TBC1D14: variants seen among roughly 807,000 people sequenced by gnomAD.
TBC1D14 encodes TBC1 domain family, member 14.
TBC1D14 carries 26 observed loss-of-function variants against 79.0 expected under a neutral mutation model. The ratio of observed to expected loss-of-function variants is 0.33; its 90% CI spans 0.24 to 0.46. TBC1D14 has a LOEUF of 0.46. Among genes scored for constraint, TBC1D14 ranks in the 20% least tolerant of loss-of-function variants. The probability of loss-of-function intolerance (pLI) is 1.00; values close to 1 mark genes in which losing one functional copy is unlikely to be tolerated. For synonymous variants in TBC1D14, 394 were observed against 349.9 expected (o/e 1.13, Z -1.40); for missense variants, 769 against 887.6 (o/e 0.87, Z 1.70).
At chr4:6,920,530 C>G (rs888105998) in intron 1 of TBC1D14, among the ~76,000 whole-genome samples, 2 of 152,188 alleles carry the variant, frequency 1.3e-5, no homozygotes, top group South Asian at 2.1e-4. Flanking sequence ...AGGCTCCTTA[C>G]AAAAGCTGAC....
chr4:6,974,626 A>G (rs934731369), intron 3 of TBC1D14, among the ~76,000 whole-genome samples: 1 of 152,206 alleles, frequency 6.6e-6, no homozygotes, highest in African/African-American at 2.4e-5. Flanking sequence ...CTTTGAAAAC[A>G]GCTGACTTGG....
chr4:7,029,430 G>A (rs1017561927), intron 13 of TBC1D14, among the ~76,000 whole-genome samples: 4 of 152,252 alleles, frequency 2.6e-5, no homozygotes, highest in East Asian at 1.9e-4. Flanking sequence ...AGAGTTTGTC[G>A]CGTGGGCTAA....
intron 9 of TBC1D14, among the ~76,000 whole-genome samples, chr4:7,007,904 C>T (rs1309888208): frequency 1.3e-5 from 2 of 152,256 alleles, no homozygotes. Flanking sequence ...CACGTGCCCC[C>T]TCACCAGGCT....
At chr4:7,010,587 AAATG>A in intron 10 of TBC1D14, 62 bp from the exon 11 acceptor site, 1 of 1,553,526 alleles carries the variant, frequency 6.4e-7, no homozygotes, top group Non-Finnish European at 8.7e-7. Flanking sequence ...TCTTTGCTAA[AAATG>A]AACACACTAC....
intron 1 of TBC1D14, among the ~76,000 whole-genome samples, chr4:6,915,345 C>A (rs1723312079): frequency 1.3e-5 from 2 of 152,114 alleles, no homozygotes; most frequent in African/African-American, 2.4e-5. Context: ...CCCCCTGCGA[C>A]CGGGGTAGGG....
intron 1 of TBC1D14, among the ~76,000 whole-genome samples, chr4:6,917,559 A>G (rs780273974): frequency 1.3e-5 from 2 of 149,178 alleles, no homozygotes; most frequent in Non-Finnish European, 3.0e-5. Flanking sequence ...AGAGCACCTC[A>G]GGTGGTGGTG....
intron 1 of TBC1D14, among the ~76,000 whole-genome samples, chr4:6,922,853 C>A (rs1444122862): frequency 6.6e-6 from 1 of 152,068 alleles, no homozygotes; most frequent in East Asian, 1.9e-4. Flanking sequence ...TCGGGTGCAT[C>A]CTTTGTTTGG....
At chr4:6,919,861 T>C (rs540869314) in intron 1 of TBC1D14, among the ~76,000 whole-genome samples, 271 of 152,164 alleles carry the variant, frequency 1.8e-3, no homozygotes, top group Non-Finnish European at 2.6e-3. Flanking sequence ...CTTCGTGATC[T>C]GCCCGCCTTG....
At chr4:6,983,109 G>C (rs563517458) in intron 3 of TBC1D14, among the ~76,000 whole-genome samples, 7 of 152,044 alleles carry the variant, frequency 4.6e-5, no homozygotes, top group African/African-American at 1.2e-4. Context: ...TGCAACCTCT[G>C]CCTCCTGGGT....
At chr4:6,961,957 G>A (rs971048610) in intron 2 of TBC1D14, among the ~76,000 whole-genome samples, 1 of 152,210 alleles carries the variant, frequency 6.6e-6, no homozygotes, top group Non-Finnish European at 1.5e-5. Context: ...GAATGCGGCC[G>A]AGGGCTGTTG....
chr4:6,940,634 C>T (rs1490436014), intron 2 of TBC1D14, among the ~76,000 whole-genome samples: 1 of 152,082 alleles, frequency 6.6e-6, no homozygotes, highest in Non-Finnish European at 1.5e-5. Flanking sequence ...GAGCCTACAC[C>T]CCTCAGAGAT....
chr4:6,938,618 C>G (rs1712576133), intron 2 of TBC1D14, among the ~76,000 whole-genome samples: 1 of 152,184 alleles, frequency 6.6e-6, no homozygotes, highest in African/African-American at 2.4e-5. Context: ...GGGACGCCTT[C>G]TCACTGCTTC....
At chr4:7,007,152 A>G (rs1299492794) in intron 9 of TBC1D14, among the ~76,000 whole-genome samples, 10 of 152,266 alleles carry the variant, frequency 6.6e-5, no homozygotes, top group African/African-American at 1.7e-4. Context: ...CCCGTGTGAG[A>G]AAGGGAAATC....
chr4:6,985,741 G>A (rs1382170804), intron 3 of TBC1D14, among the ~76,000 whole-genome samples: 1 of 152,142 alleles, frequency 6.6e-6, no homozygotes, highest in Non-Finnish European at 1.5e-5. Context: ...CATGCTAAAA[G>A]TGCCCAGGAA....
Position 7,025,174 on chromosome 4 carries a change from C to T in TBC1D14, c.1928C>T (p.Thr643Ile). The T allele has an allele frequency of 6.2e-7, 1 of 1,614,234 alleles. No homozygotes were observed. The highest frequency in any genetic ancestry group is 8.5e-7 in the Non-Finnish European group (1 of 1,180,036). The change falls in exon 13 of 14, where the codon ACC (threonine) becomes ATC (isoleucine). Residue 643 changes from threonine to isoleucine, a missense_variant. This residue lies in a region of TBC1D14 where 367 missense variants were observed against 494.4 expected (regional missense o/e 0.74). Coordinates refer to ENST00000409757, the MANE Select transcript of TBC1D14 (RefSeq NM_020773.3). ...MDFIHMAQFL[T>I]RLPEDLPAEE... Reference sequence around the variant, plus strand: ...TTCATTCACATGGCCCAGTTCCTGACCCGGCTGCCCGAGGACCTGCCCGCC... The same window carrying T: ...TTCATTCACATGGCCCAGTTCCTGATCCGGCTGCCCGAGGACCTGCCCGCC...
chr4:6,987,841 G>A (rs181534812), intron 3 of TBC1D14, among the ~76,000 whole-genome samples: 62 of 152,336 alleles, frequency 4.1e-4, no homozygotes, highest in African/African-American at 1.5e-3. Context: ...CTTTGAATAT[G>A]TTTCATTCAC....
intron 2 of TBC1D14, among the ~76,000 whole-genome samples, chr4:6,940,302 C>T (rs1712781254): frequency 6.6e-6 from 1 of 152,224 alleles, no homozygotes; most frequent in African/African-American, 2.4e-5. Flanking sequence ...CAGCCCTGGT[C>T]TGTGGGACAA....
At chr4:6,953,396 C>T (rs76686892) in intron 2 of TBC1D14, among the ~76,000 whole-genome samples, 2 of 132,078 alleles carry the variant, frequency 1.5e-5, no homozygotes, top group African/African-American at 2.7e-5. Context: ...CCGAGGCGGG[C>T]GGATCACGAG....
rs538735567 is a variant in TBC1D14, at chr4:7,030,611, G to A, written c.*219G>A. 19 of 480,250 alleles carry A rather than the reference G, an allele frequency of 4.0e-5. No homozygotes were observed. The highest frequency in any genetic ancestry group is 6.9e-5 in the Non-Finnish European group (18 of 260,616). The allele number at this position is 480,250 out of a possible 1,614,324, so 29.7% of individuals were successfully genotyped here. On this transcript the variant is annotated 3_prime_UTR_variant, in exon 14 of 14. Coordinates refer to ENST00000409757, the MANE Select transcript of TBC1D14 (RefSeq NM_020773.3). ...CTCAGTGGAAGGATGAGCTGCTGCG[G>A]ACCACAGCCAGCCACTGCATCTGCT...
Sources: allele counts gnomAD v4.1 joint callset (sites outside exome capture counted in the v4.1 genomes callset), GRCh38; gene constraint gnomAD v4.1.1; regional missense constraint gnomAD v4.1.1; transcripts MANE v1.5; gene names NCBI Gene and HGNC (gene_info 2026-07-23, HGNC 2026-07-21).